The following PUF60 variants were observed in gnomAD, a reference collection of about 807,000 sequenced individuals.
The protein encoded by PUF60 is poly(U) binding splicing factor 60.
A neutral mutation model predicts 61.8 loss-of-function variants in PUF60; 10 were observed. That is an observed-to-expected ratio of 0.16 (90% CI 0.10 to 0.27). The LOEUF (loss-of-function observed/expected upper bound fraction) is 0.27, where lower values mean the gene tolerates loss of function less well. Among genes scored for constraint, PUF60 ranks in the 10% least tolerant of loss-of-function variants. The pLI is 1.00. For missense variants in PUF60, 371 were observed against 754.0 expected (o/e 0.49, Z 5.95); for synonymous variants, 353 against 300.9 (o/e 1.17, Z -1.79).
intron 1 of PUF60, among the ~76,000 whole-genome samples, chr8:143,825,528 CT>C (rs775480061): frequency 9.5e-4 from 139 of 147,076 alleles, no homozygotes; most frequent in Admixed American, 8.1e-4. Context: ...GAGGCTGCCT[CT>C]TTTTTTTTTT....
At position 143,818,679 on chromosome 8, in the gene PUF60, C is replaced by T; in HGVS notation, c.349-145G>A. On this transcript the variant is annotated intron_variant, in intron 5 of 11. Coordinates refer to ENST00000526683, the MANE Select transcript of PUF60 (RefSeq NM_078480.3). The surrounding 1 kb of genome is among the most constrained non-coding windows in gnomAD (Gnocchi z 7.9). ...CAGGGAGGTGCGGGCTCCATCCCTG[C>T]AGTCATAGTGTGGGGGTCGCAGGAC... 3 of 889,122 alleles carry T rather than the reference C, an allele frequency of 3.4e-6. No homozygotes were observed. The highest frequency in any genetic ancestry group is 5.0e-6 in the Non-Finnish European group (3 of 601,626). The allele number at this position is 889,122 out of a possible 1,614,324, so 55.1% of individuals were successfully genotyped here.
At position 143,818,932 on chromosome 8, in the gene PUF60, G is replaced by C; in HGVS notation, c.349-398C>G. On this transcript the variant is annotated intron_variant, in intron 5 of 11. Coordinates refer to ENST00000526683, the MANE Select transcript of PUF60 (RefSeq NM_078480.3). This position sits in a 1 kb window ranked among gnomAD's most constrained non-coding sequence, Gnocchi z 7.9. ...AGGACCACGACAGAAGAGGGAAGGA[G>C]GAACCATCCAAGCTGGAGGGACCCA... 4.3e-6 allele frequency: 1 copy of C among 231,358 alleles called. No homozygotes were observed. The allele number at this position is 231,358 out of a possible 1,614,324, so 14.3% of individuals were successfully genotyped here.
At position 143,829,245 on chromosome 8, in the gene PUF60, G is replaced by A. The variant is rs529211797; in HGVS notation, c.24+35C>T. 26 of 1,246,640 alleles carry A rather than the reference G, an allele frequency of 2.1e-5. No individual in the cohort carries two copies. In the South Asian group the frequency reaches 4.6e-4, roughly 22 times the overall value. 77.2% of individuals were successfully genotyped at this position (1,246,640 alleles called of 1,614,324 possible). ...GGTCGACGACCCGGCCCCGCAAGCCGAGGGCCGCCCGCGCTCATGGGGGGG... is the reference window on the plus strand; with the variant it reads ...GGTCGACGACCCGGCCCCGCAAGCCAAGGGCCGCCCGCGCTCATGGGGGGG... On this transcript the variant is annotated intron_variant, in intron 1 of 11. Transcript: ENST00000526683.
Position 143,817,580 on chromosome 8 carries a change from G to C in PUF60, c.1008+12C>G, listed in dbSNP as rs767162545. ...CGCCCACCCTCAAGCCGACAGCTGT[G>C]TGGGCCCTCACCTGAGCTGTGATCT... On this transcript the variant is annotated intron_variant, in intron 9 of 11. Transcript: ENST00000526683. This position sits in a 1 kb window ranked among gnomAD's most constrained non-coding sequence, Gnocchi z 7.4. The C allele has an allele frequency of 6.2e-7, 1 of 1,610,954 alleles. No homozygotes were observed. The highest frequency in any genetic ancestry group is 1.1e-5 in the South Asian group (1 of 91,056).
intron 5 of PUF60, among the ~76,000 whole-genome samples, chr8:143,819,875 A>AC: frequency 6.6e-6 from 1 of 151,692 alleles, no homozygotes; most frequent in Middle Eastern, 3.4e-3. Context: ...CCCTGACCAG[A>AC]CCCCCAGCCC....
At chr8:143,827,050 G>A (rs1817712794) in intron 1 of PUF60, 1 of 298,052 alleles carries the variant, frequency 3.4e-6, no homozygotes, top group Non-Finnish European at 6.5e-6. Context: ...GCTCCACAGT[G>A]AGCGCTGCAG....
intron 1 of PUF60, chr8:143,824,759 T>C: frequency 3.1e-6 from 1 of 321,478 alleles, no homozygotes; most frequent in Non-Finnish European, 5.9e-6. Context: ...CATGCCCTCC[T>C]GAGGCAGCAG....
intron 5 of PUF60, chr8:143,820,465 A>G (rs1816887131): frequency 3.2e-6 from 2 of 631,670 alleles, no homozygotes; most frequent in Admixed American, 2.8e-5. Flanking sequence ...CCCTCAGAGC[A>G]GATGGAGGCC....
intron 1 of PUF60, chr8:143,827,028 C>G (rs1428931273): frequency 3.5e-6 from 1 of 284,976 alleles, no homozygotes; most frequent in Non-Finnish European, 6.9e-6. Flanking sequence ...ACACTGCTTA[C>G]TGCGTGCCCA....
intron 1 of PUF60, among the ~76,000 whole-genome samples, chr8:143,825,962 A>G (rs1256092527): frequency 1.3e-5 from 2 of 152,252 alleles, no homozygotes; most frequent in African/African-American, 2.4e-5. Context: ...AAGCCGGCCC[A>G]CTGGTGCATT....
At position 143,818,457 on chromosome 8, in the gene PUF60, C is replaced by T; in HGVS notation, c.426G>A (p.Glu142=). 6.2e-7 allele frequency: 1 copy of T among 1,611,540 alleles called. No individual in the cohort carries two copies. The highest frequency in any genetic ancestry group is 1.7e-4 in the Middle Eastern group (1 of 6,058). ...YVGSIYYELG[E]DTIRQAFAPF... is the part of the protein sequence containing the mutation. ...GGGCAAAGGCCTGGCGGATGGTGTC[C>T]TCCCCCAGCTCATAGTAGATAGAGC... The change falls in exon 6 of 12, where the codon GAG becomes GAA. Residue 142 remains glutamate (E), a synonymous_variant. Coordinates refer to ENST00000526683, the MANE Select transcript of PUF60 (RefSeq NM_078480.3). The surrounding 1 kb of genome is among the most constrained non-coding windows in gnomAD (Gnocchi z 7.9).
intron 2 of PUF60, 146 bp from the exon 3 acceptor site, chr8:143,822,059 C>G: frequency 6.2e-6 from 4 of 646,342 alleles, no homozygotes; most frequent in Non-Finnish European, 1.1e-5. Flanking sequence ...CAGCCCAGGC[C>G]ACTGTCTCCC....
Position 143,818,694 on chromosome 8 carries a change from G to C in PUF60, c.349-160C>G. On this transcript the variant is annotated intron_variant, in intron 5 of 11. Transcript: ENST00000526683. This position sits in a 1 kb window ranked among gnomAD's most constrained non-coding sequence, Gnocchi z 7.9. ...TCCATCCCTGCAGTCATAGTGTGGGGGTCGCAGGACCCCGCCACCCAAAGA... is the reference window on the plus strand; with the variant it reads ...TCCATCCCTGCAGTCATAGTGTGGGCGTCGCAGGACCCCGCCACCCAAAGA... The C allele has an allele frequency of 1.3e-6, 1 of 796,038 alleles. No homozygotes were observed. Among genetic ancestry groups the C allele is most frequent in the Non-Finnish European group, 1.9e-6 (1 of 519,368 alleles). 49.3% of individuals were successfully genotyped at this position (796,038 alleles called of 1,614,324 possible).
rs2130228310 is a variant in PUF60 at position 143,817,247 on chromosome 8, C to A, written c.1144+84G>T. On this transcript the variant is annotated intron_variant, in intron 10 of 11. Transcript: ENST00000526683. This position sits in a 1 kb window ranked among gnomAD's most constrained non-coding sequence, Gnocchi z 7.4. ...CTGGGCTCAGAGGGTTGTGCCCAGA[C>A]CACCAGGGCCAGGCAGCTGAGGGCA... The A allele has an allele frequency of 6.5e-7, 1 of 1,527,130 alleles. No homozygotes were observed. Among genetic ancestry groups the A allele is most frequent in the South Asian group, 1.3e-5 (1 of 77,320 alleles). The allele number at this position is 1,527,130 out of a possible 1,614,324, so 94.6% of individuals were successfully genotyped here. A position where few individuals can be genotyped will look rare whatever the true frequency, so the allele number is the denominator to read the frequency against.
chr8:143,827,743 G>A (rs1469612852), intron 1 of PUF60, among the ~76,000 whole-genome samples: 1 of 152,228 alleles, frequency 6.6e-6, no homozygotes, highest in African/African-American at 2.4e-5. Flanking sequence ...GAATTTGGAT[G>A]GCAACAAACA....
chr8:143,824,304 G>A lies in PUF60; in HGVS notation c.111+9C>T. ...CGGGCCTGAGGGAGAGGATGCTTAA[G>A]GTCAGTACCTGTGGAGGTTTCCATT... On this transcript the variant is annotated intron_variant, in intron 2 of 11. Coordinates refer to ENST00000526683, the MANE Select transcript of PUF60 (RefSeq NM_078480.3). 6.2e-7 allele frequency: 1 copy of A among 1,605,406 alleles called. No homozygotes were observed.
In PUF60 at chr8:143,829,281, A is replaced by G; in HGVS notation, c.23T>C (p.Leu8Pro). MATATIA[L>P]QVNGQQGGGS... ...GCGCTCATGGGGGGGCTCACTTACGAGAGCTATGGTCGCCGTCGCCATCTT... is the reference window on the plus strand; with the variant it reads ...GCGCTCATGGGGGGGCTCACTTACGGGAGCTATGGTCGCCGTCGCCATCTT... The change falls in exon 1 of 12, where the codon CTC becomes CCC. Residue 8 changes from leucine to proline, a missense_variant and splice_region_variant. By Grantham distance (98) the Leu-to-Pro change is moderately conservative. This residue lies in a region of PUF60 where 69 missense variants were observed against 64.7 expected (regional missense o/e 1.07). Coordinates refer to ENST00000526683, the MANE Select transcript of PUF60 (RefSeq NM_078480.3). 7.9e-7 allele frequency: 1 copy of G among 1,265,670 alleles called. No homozygotes were observed. The highest frequency in any genetic ancestry group is 1.0e-6 in the Non-Finnish European group (1 of 998,920). 78.4% of individuals were successfully genotyped at this position (1,265,670 alleles called of 1,614,324 possible). A position where few individuals can be genotyped will look rare whatever the true frequency, so the allele number is the denominator to read the frequency against.
chr8:143,823,502 C>T (rs1817261806), intron 2 of PUF60, among the ~76,000 whole-genome samples: 1 of 152,238 alleles, frequency 6.6e-6, no homozygotes, highest in Admixed American at 6.5e-5. Context: ...TCCCACCAAC[C>T]AATGGCCGGC....
At chr8:143,821,284 G>A (rs1816986353) in intron 4 of PUF60, 1 of 538,178 alleles carries the variant, frequency 1.9e-6, no homozygotes, top group Non-Finnish European at 3.3e-6. Context: ...GCTGTGCACA[G>A]CTGGGGCAGG....
Sources: allele counts gnomAD v4.1 joint callset (sites outside exome capture counted in the v4.1 genomes callset), GRCh38; gene constraint gnomAD v4.1.1; regional missense constraint gnomAD v4.1.1; non-coding constraint Gnocchi (gnomAD v3.1); transcripts MANE v1.5; gene names NCBI Gene and HGNC (gene_info 2026-07-23, HGNC 2026-07-21).